The following NCOA2 variants were observed in gnomAD, a reference collection of about 807,000 sequenced individuals.
The protein encoded by NCOA2 is class E basic helix-loop-helix protein 75.
In NCOA2, 21 loss-of-function variants were observed where a neutral mutation model predicts 145.1. The observed-to-expected ratio is 0.14, with a 90% CI of 0.10 to 0.21. NCOA2 has a LOEUF of 0.21. NCOA2 is among the 10% of genes least tolerant of loss of function. NCOA2 has a pLI of 1.00. For synonymous variants in NCOA2, 619 were observed against 637.5 expected, an observed-to-expected ratio of 0.97 and a Z score of 0.44; for missense variants, 1,472 against 1,837.6, an observed-to-expected ratio of 0.80 and a Z score of 3.64.
At chr8:70,348,967 T>C (rs188589790) in intron 1 of NCOA2, among the ~76,000 whole-genome samples, 1 of 128,232 alleles carries the variant, frequency 7.8e-6, no homozygotes, top group Non-Finnish European at 1.6e-5. Context: ...CATACTGGCA[T>C]AGAAGAGAGG....
the NCOA2 span, among the ~76,000 whole-genome samples, chr8:70,411,539 T>G: frequency 6.6e-6 from 1 of 152,182 alleles, no homozygotes; most frequent in Non-Finnish European, 1.5e-5. Context: ...GCTGAGCATG[T>G]CTCCTGGGTG....
At position 70,109,971 on chromosome 8, in the gene NCOA2, T is replaced by A; in HGVS notation, c.*3661A>T. On this transcript the variant is annotated 3_prime_UTR_variant, in exon 23 of 23. Coordinates refer to ENST00000452400, the MANE Select transcript of NCOA2 (RefSeq NM_006540.4). Reference sequence around the variant, plus strand: ...ACTGCTCACACTAGAAATACAAACATCAATGCAGGTGAACAAAGTGATGTT... The same window carrying A: ...ACTGCTCACACTAGAAATACAAACAACAATGCAGGTGAACAAAGTGATGTT... The A allele has an allele frequency of 1.0e-5, 2 of 192,368 alleles. No homozygotes were observed. The highest frequency in any genetic ancestry group is 1.6e-4 in the East Asian group (2 of 12,198). 11.9% of individuals were successfully genotyped at this position (192,368 alleles called of 1,614,324 possible).
intron 5 of NCOA2, 135 bp downstream of exon 5, chr8:70,174,621 A>G: frequency 1.3e-6 from 1 of 753,226 alleles, no homozygotes; most frequent in Non-Finnish European, 2.2e-6. Context: ...ACACAGGCAT[A>G]TCAGCAAGCT....
intron 22 of NCOA2, 62 bp downstream of exon 22, chr8:70,121,240 G>T (rs879446432): frequency 4.4e-6 from 6 of 1,367,080 alleles, no homozygotes; most frequent in Non-Finnish European, 6.2e-6. Context: ...GCCACTTTTG[G>T]TCTATCAAAT....
At chr8:70,433,536 G>A in the NCOA2 span, among the ~76,000 whole-genome samples, 14,537 of 152,222 alleles carry the variant, frequency 0.095, 947 homozygotes, top group Middle Eastern at 0.21. Context: ...TGTAGAGTGT[G>A]AGTGGTGATG....
intron 1 of NCOA2, among the ~76,000 whole-genome samples, chr8:70,302,774 A>C (rs1391349614): frequency 6.6e-6 from 1 of 152,214 alleles, no homozygotes; most frequent in Non-Finnish European, 1.5e-5. Flanking sequence ...AAACAAGTAG[A>C]GATTTAGATA....
At chr8:70,439,066 G>T in the NCOA2 span, among the ~76,000 whole-genome samples, 1 of 152,292 alleles carries the variant, frequency 6.6e-6, no homozygotes. Context: ...AGTTTAACAG[G>T]GATTGCTGTG....
intron 9 of NCOA2, among the ~76,000 whole-genome samples, chr8:70,161,800 T>TGG (rs1303662440): frequency 6.6e-6 from 1 of 152,198 alleles, no homozygotes; most frequent in African/African-American, 2.4e-5. Flanking sequence ...ACAGTGCATG[T>TGG]GGAGCCCTGG....
rs568353200 is a variant in NCOA2, at chr8:70,374,902, T to C, written c.-77+28798A>G. The stretch of plus-strand genomic sequence containing the variant: ...AGAAAATTAAGTTTTCCTTTTTACT[T>C]ATCTATATTTTCCAATGTTTCCTTA... On this transcript the variant is annotated intron_variant, in intron 1 of 22. Coordinates refer to ENST00000452400, the MANE Select transcript of NCOA2 (RefSeq NM_006540.4). 2.0e-5 allele frequency among the ~76,000 whole-genome samples: 3 copies of C among 152,216 alleles called. No individual in the cohort carries two copies. The South Asian group carries it at 6.2e-4, about 32-fold the overall frequency.
intron 1 of NCOA2, among the ~76,000 whole-genome samples, chr8:70,303,658 G>A (rs551858671): frequency 6.6e-6 from 1 of 152,312 alleles, no homozygotes; most frequent in East Asian, 1.9e-4. Flanking sequence ...GGGCAAGGAT[G>A]AGGTTGCATC....
At chr8:70,143,228 A>G (rs1216223177) in intron 13 of NCOA2, among the ~76,000 whole-genome samples, 1 of 152,114 alleles carries the variant, frequency 6.6e-6, no homozygotes, top group Non-Finnish European at 1.5e-5. Flanking sequence ...GATTACAGGC[A>G]TGAGCCACCA....
intron 1 of NCOA2, among the ~76,000 whole-genome samples, chr8:70,339,954 G>T (rs61194854): frequency 6.6e-6 from 1 of 152,148 alleles, no homozygotes; most frequent in Non-Finnish European, 1.5e-5. Flanking sequence ...ATGGATTAAA[G>T]ACTTAAATGT....
At chr8:70,390,990 AG>A (rs1813149326) in intron 1 of NCOA2, among the ~76,000 whole-genome samples, 1 of 152,196 alleles carries the variant, frequency 6.6e-6, no homozygotes, top group African/African-American at 2.4e-5. Flanking sequence ...GAGGGAAGAG[AG>A]GGCTCTACCA....
chr8:70,397,772 C>T (rs1293427413), intron 1 of NCOA2, among the ~76,000 whole-genome samples: 2 of 152,174 alleles, frequency 1.3e-5, no homozygotes, highest in African/African-American at 2.4e-5. Flanking sequence ...GAAATCTATT[C>T]GGTTGTAAGC....
intron 1 of NCOA2, among the ~76,000 whole-genome samples, chr8:70,338,141 A>T (rs1345473912): frequency 1.4e-4 from 22 of 152,002 alleles, no homozygotes; most frequent in Admixed American, 1.4e-3. Flanking sequence ...AAAAAAATCA[A>T]CCAATCCAGG....
intron 1 of NCOA2, among the ~76,000 whole-genome samples, chr8:70,310,573 T>C (rs1442687732): frequency 1.3e-5 from 2 of 152,174 alleles, no homozygotes; most frequent in Non-Finnish European, 2.9e-5. Flanking sequence ...CTTCATAAAG[T>C]ATCAGGTTAA....
chr8:70,148,973 G>A (rs1262750083), intron 11 of NCOA2, among the ~76,000 whole-genome samples: 3 of 151,628 alleles, frequency 2.0e-5, no homozygotes, highest in African/African-American at 7.3e-5. Flanking sequence ...TTCCCTTCAG[G>A]ATTTTTTTTT....
At chr8:70,207,411 A>C (rs1818552672) in intron 4 of NCOA2, among the ~76,000 whole-genome samples, 2 of 152,234 alleles carry the variant, frequency 1.3e-5, no homozygotes, top group African/African-American at 4.8e-5. Context: ...TACTTAAGAA[A>C]TAAAATAAGG....
chr8:70,189,773 G>A (rs1398239553), intron 4 of NCOA2, among the ~76,000 whole-genome samples: 2 of 152,118 alleles, frequency 1.3e-5, no homozygotes, highest in African/African-American at 4.8e-5. Context: ...TGGGGTTAGT[G>A]GATTATCGTG....
Sources: allele counts gnomAD v4.1 joint callset (sites outside exome capture counted in the v4.1 genomes callset), GRCh38; gene constraint gnomAD v4.1.1; transcripts MANE v1.5; gene names NCBI Gene and HGNC (gene_info 2026-07-23, HGNC 2026-07-21).